Variants in CHD2 observed in about 807,000 individuals in gnomAD.
CHD2 encodes chromodomain helicase DNA binding protein 2, also known as ATP-dependent chromatin remodeler CHD2.
Under a neutral mutation model 243.9 loss-of-function variants are expected in CHD2, and 28 were observed. That is an observed-to-expected ratio of 0.11 (90% CI 0.09 to 0.16). The LOEUF is 0.16. CHD2 is among the 10% of genes least tolerant of loss of function. The pLI is 1.00. For missense variants in CHD2, 1,386 were observed against 2,209.8 expected (o/e 0.63, Z 7.47); for synonymous variants, 775 against 779.0 (o/e 0.99, Z 0.09).
rs750919774 is a variant in CHD2, at chr15:93,024,359, ATC to A, written c.5154-9_5154-8del. On this transcript the variant is annotated splice_polypyrimidine_tract_variant and intron_variant, in intron 38 of 38. Transcript: ENST00000394196. ...CTTCAGTCTTTCGACTAATCCTTGC[ATC>A]TCTATTTCAGGCACCATCATGACTC... The A allele has an allele frequency of 1.9e-6, 3 of 1,606,626 alleles. No homozygotes were observed. Among genetic ancestry groups the A allele is most frequent in the Admixed American group, 1.7e-5 (1 of 59,594 alleles).
intron 28 of CHD2, among the ~76,000 whole-genome samples, chr15:92,995,580 G>C (rs2054177184): frequency 6.6e-6 from 1 of 152,070 alleles, no homozygotes; most frequent in Non-Finnish European, 1.5e-5. Context: ...TCATTATGTA[G>C]AGATCATCCT....
Position 93,000,566 on chromosome 15 carries a change from C to T in CHD2, c.4063C>T (p.Leu1355=), listed in dbSNP as rs748470273. The change falls in exon 32 of 39, where the codon CTG becomes TTG. Residue 1355 remains leucine, a synonymous_variant. Coordinates refer to ENST00000394196, the MANE Select transcript of CHD2 (RefSeq NM_001271.4). ...AAAGAAGGAAAACAAAGTGCCCAGG[C>T]TGAAAGAGGAGCATGGAATTGAGCT... ...RVKKENKVPR[L]KEEHGIELSS... is the part of the protein sequence containing the mutation. 6.2e-7 allele frequency: 1 copy of T among 1,613,738 alleles called. No homozygotes were observed. The highest frequency in any genetic ancestry group is 2.2e-5 in the East Asian group (1 of 44,874).
intron 36 of CHD2, among the ~76,000 whole-genome samples, chr15:93,013,629 A>C (rs2054419822): frequency 2.6e-5 from 4 of 152,186 alleles, no homozygotes; most frequent in Admixed American, 6.5e-5. Context: ...TTGGAAGCCC[A>C]ACAGTAAGAA....
chr15:93,018,613 G>T (rs1420257070), intron 37 of CHD2, among the ~76,000 whole-genome samples: 1 of 152,212 alleles, frequency 6.6e-6, no homozygotes, highest in Admixed American at 6.5e-5. Context: ...CATTTCTGGA[G>T]ACCAGGAAGT....
intron 34 of CHD2, among the ~76,000 whole-genome samples, chr15:93,006,591 T>G (rs2054325181): frequency 6.6e-6 from 1 of 152,208 alleles, no homozygotes; most frequent in Admixed American, 6.5e-5. Context: ...TCCACAACAC[T>G]CCTGTGAGGT....
chr15:92,907,319 A>G (rs1406339578), intron 2 of CHD2, among the ~76,000 whole-genome samples: 2 of 152,158 alleles, frequency 1.3e-5, no homozygotes, highest in African/African-American at 2.4e-5. Context: ...CTTGTTTGGT[A>G]TTTCAACATG....
intron 36 of CHD2, among the ~76,000 whole-genome samples, chr15:93,012,930 C>T (rs914708111): frequency 1.3e-5 from 2 of 152,220 alleles, no homozygotes; most frequent in African/African-American, 4.8e-5. Context: ...GCTGCAGAGG[C>T]AGTGCTCCTT....
intron 7 of CHD2, 146 bp downstream of exon 7, chr15:92,939,864 T>C: frequency 1.1e-6 from 1 of 890,422 alleles, no homozygotes; most frequent in South Asian, 1.9e-5. Context: ...TCTGGTTAGC[T>C]TTCTTGCAAA....
At chr15:93,015,799 C>T (rs1046480766) in intron 37 of CHD2, among the ~76,000 whole-genome samples, 3 of 152,132 alleles carry the variant, frequency 2.0e-5, no homozygotes, top group Non-Finnish European at 4.4e-5. Flanking sequence ...AAATTAAAAG[C>T]ACGATGAGAT....
At chr15:92,989,913 A>C (rs528224695) in intron 26 of CHD2, among the ~76,000 whole-genome samples, 1 of 152,366 alleles carries the variant, frequency 6.6e-6, no homozygotes, top group East Asian at 1.9e-4. Flanking sequence ...CTGCATGGAC[A>C]CAGACCTGCA....
chr15:92,991,441 G>GT lies in CHD2; in HGVS notation c.3414-28dup, dbSNP rs556764471. 4.6e-3 allele frequency: 7,033 copies of GT among 1,522,982 alleles called. 19 individuals are homozygous for GT. The highest frequency in any genetic ancestry group is 5.7e-3 in the Non-Finnish European group (6,363 of 1,107,462). The allele number at this position is 1,522,982 out of a possible 1,614,324, so 94.3% of individuals were successfully genotyped here. On this transcript the variant is annotated intron_variant, in intron 26 of 38. Coordinates refer to ENST00000394196, the MANE Select transcript of CHD2 (RefSeq NM_001271.4). ...ATCAACATAACTAAAGTAAGTCTCT[G>GT]TTTTTTTAATATGTTTTATTGATCC...
chr15:92,927,059 C>T (rs1487146807), intron 3 of CHD2, among the ~76,000 whole-genome samples, 185 bp from the exon 4 acceptor site: 4 of 152,068 alleles, frequency 2.6e-5, no homozygotes, highest in Non-Finnish European at 5.9e-5. Flanking sequence ...CATTGTTAAA[C>T]TAATATTTCC....
chr15:92,960,595 CTTTT>C (rs2053672048), intron 16 of CHD2, among the ~76,000 whole-genome samples: 1 of 147,624 alleles, frequency 6.8e-6, no homozygotes, highest in Non-Finnish European at 1.5e-5. Flanking sequence ...ATTAGGCCAA[CTTTT>C]TTTTTCCTAG....
chr15:92,910,450 T>C (rs571772071), intron 2 of CHD2, among the ~76,000 whole-genome samples: 3 of 152,264 alleles, frequency 2.0e-5, no homozygotes, highest in African/African-American at 7.2e-5. Flanking sequence ...TGGAGTGCAG[T>C]GGCGCCGTCT....
intron 7 of CHD2, among the ~76,000 whole-genome samples, chr15:92,941,225 C>G (rs1476387003): frequency 6.6e-6 from 1 of 151,536 alleles, no homozygotes; most frequent in African/African-American, 2.4e-5. Flanking sequence ...AACTCCTGAC[C>G]TCGTGATTCA....
chr15:92,901,236 AGAT>A lies in CHD2; in HGVS notation c.5_7del (p.Met2?), dbSNP rs746062518. The A allele has an allele frequency of 2.5e-6, 4 of 1,577,556 alleles. No homozygotes were observed. Among genetic ancestry groups the A allele is most frequent in the Non-Finnish European group, 3.5e-6 (4 of 1,147,950 alleles). On this transcript the variant is annotated start_lost and 5_prime_UTR_variant, in exon 2 of 39. Transcript: ENST00000394196. ...TCCCCCTTAATATTTAAGAATTAAA[AGAT>A]GATGAGAAATAAGGACAAAAGCCAA... is the stretch of plus-strand genomic sequence containing the variant.
intron 2 of CHD2, among the ~76,000 whole-genome samples, chr15:92,917,597 C>A (rs2052865865): frequency 6.6e-6 from 1 of 152,132 alleles, no homozygotes; most frequent in Non-Finnish European, 1.5e-5. Flanking sequence ...AAAGGTGTGA[C>A]CAGTCAGTCT....
Position 93,012,487 on chromosome 15 carries a change from A to G in CHD2, c.4692+43A>G, listed in dbSNP as rs2119010. 296,056 of 1,351,610 alleles carry G rather than the reference A, an allele frequency of 0.22. 35,987 individuals carry two copies. The highest frequency in any genetic ancestry group is 0.25 in the Non-Finnish European group (246,085 of 976,288). The allele number at this position is 1,351,610 out of a possible 1,614,324, so 83.7% of individuals were successfully genotyped here. A position where few individuals can be genotyped will look rare whatever the true frequency, so the allele number is the denominator to read the frequency against. ...TCCTAATTCATACAAACAAATACCA[A>G]TTCCACAGAAAAATCTCTTAATTTT... On this transcript the variant is annotated intron_variant, in intron 36 of 38. Transcript: ENST00000394196.
chr15:93,019,527 T>C (rs73458304), intron 37 of CHD2, among the ~76,000 whole-genome samples: 331 of 152,326 alleles, frequency 2.2e-3, no homozygotes, highest in African/African-American at 7.1e-3. Context: ...TAATGTCTGT[T>C]TGTAACATGT....
Sources: gnomAD v4.1 joint callset for allele counts (sites outside exome capture counted in the v4.1 genomes callset) on GRCh38, gnomAD v4.1.1 for gene constraint, MANE v1.5 for transcripts, NCBI Gene and HGNC (gene_info 2026-07-23, HGNC 2026-07-21) for gene names.